Variants in GALNT17 observed in about 807,000 individuals in gnomAD.
The protein encoded by GALNT17 is UDP-GalNAc:polypeptide N-acetylgalactosaminyltransferase-like 3.
GALNT17 carries 29 observed loss-of-function variants against 63.7 expected under a neutral mutation model. The observed-to-expected ratio is 0.46, with a 90% CI of 0.34 to 0.62. The LOEUF (loss-of-function observed/expected upper bound fraction) is 0.62, where lower values mean the gene tolerates loss of function less well. Ranked by LOEUF, GALNT17 falls within the 20% of genes least tolerant of loss-of-function variation. The probability of loss-of-function intolerance (pLI) is 0.01; values close to 1 mark genes in which losing one functional copy is unlikely to be tolerated. For synonymous variants in GALNT17, 305 were observed against 318.3 expected (o/e 0.96, Z 0.45); for missense variants, 603 against 799.6 (o/e 0.75, Z 2.97).
At chr7:71,562,026 G>A (rs980222915) in intron 5 of GALNT17, among the ~76,000 whole-genome samples, 2 of 151,962 alleles carry the variant, frequency 1.3e-5, no homozygotes, top group African/African-American at 4.8e-5. Context: ...TGCGATCATA[G>A]CACACTACAG....
intron 1 of GALNT17, among the ~76,000 whole-genome samples, chr7:71,192,322 A>G (rs1788966494): frequency 6.6e-6 from 1 of 152,084 alleles, no homozygotes; most frequent in East Asian, 1.9e-4. Flanking sequence ...ACACCCAGGG[A>G]CAATACTTTG....
At chr7:71,469,675 C>T (rs942315785) in intron 5 of GALNT17, among the ~76,000 whole-genome samples, 1 of 152,210 alleles carries the variant, frequency 6.6e-6, no homozygotes, top group African/African-American at 2.4e-5. Context: ...AGGTGACCAT[C>T]TGTTTATACA....
At chr7:71,663,631 G>A (rs1584120934) in intron 6 of GALNT17, among the ~76,000 whole-genome samples, 1 of 152,204 alleles carries the variant, frequency 6.6e-6, no homozygotes, top group Admixed American at 6.5e-5. Flanking sequence ...AGCAAGCAAA[G>A]TGAGGATTCT....
intron 2 of GALNT17, among the ~76,000 whole-genome samples, chr7:71,365,689 A>C (rs1279652411): frequency 6.6e-6 from 1 of 152,076 alleles, no homozygotes. Flanking sequence ...TTTTAATTTA[A>C]AGAAAGTATC....
intron 5 of GALNT17, among the ~76,000 whole-genome samples, chr7:71,509,979 C>T (rs953592378): frequency 4.0e-5 from 6 of 151,310 alleles, no homozygotes; most frequent in African/African-American, 1.5e-4. Context: ...GGTTCTCTGT[C>T]TCTCATTCAA....
At chr7:71,512,328 C>T (rs1432010699) in intron 5 of GALNT17, among the ~76,000 whole-genome samples, 1 of 151,682 alleles carries the variant, frequency 6.6e-6, no homozygotes, top group Non-Finnish European at 1.5e-5. Context: ...CTTCTGACAT[C>T]ATGGAAGTTC....
chr7:71,535,014 G>C (rs1412181742), intron 5 of GALNT17, among the ~76,000 whole-genome samples: 1 of 152,114 alleles, frequency 6.6e-6, no homozygotes, highest in Non-Finnish European at 1.5e-5. Flanking sequence ...GAGGAGAATA[G>C]TACATACAAC....
chr7:71,170,127 G>A (rs1414630713), intron 1 of GALNT17, among the ~76,000 whole-genome samples: 3 of 152,062 alleles, frequency 2.0e-5, no homozygotes, highest in African/African-American at 7.2e-5. Context: ...TCATTTGACT[G>A]TCTTGTCCTT....
At chr7:71,224,767 G>C (rs1028521823) in intron 1 of GALNT17, among the ~76,000 whole-genome samples, 4 of 152,144 alleles carry the variant, frequency 2.6e-5, no homozygotes, top group South Asian at 2.1e-4. Context: ...GGCTGGAACT[G>C]CTATGAGAGC....
At chr7:71,142,961 A>G (rs1236325531) in intron 1 of GALNT17, among the ~76,000 whole-genome samples, 5 of 150,774 alleles carry the variant, frequency 3.3e-5, no homozygotes, top group Admixed American at 6.6e-5. Context: ...AAAAAAAAGG[A>G]ATGTTACACT....
intron 1 of GALNT17, among the ~76,000 whole-genome samples, chr7:71,322,726 A>G (rs561979163): frequency 3.7e-4 from 56 of 152,294 alleles, no homozygotes; most frequent in African/African-American, 1.3e-3. Flanking sequence ...TGAAACTCTT[A>G]TAATGGGATC....
At chr7:71,260,137 T>C (rs1336127350) in intron 1 of GALNT17, among the ~76,000 whole-genome samples, 1 of 152,182 alleles carries the variant, frequency 6.6e-6, no homozygotes, top group Non-Finnish European at 1.5e-5. Context: ...GGCTGATTTC[T>C]CCCTAACTGC....
In GALNT17 at chr7:71,270,744, A is replaced by G. The variant is rs549732805; in HGVS notation, c.239-64806A>G. Reference sequence around the variant, plus strand: ...TTGCTGAGTGGACGGATGAAAAAAAATAGTTGAAGAGTAATTGCCATTTGA... The same window carrying G: ...TTGCTGAGTGGACGGATGAAAAAAAGTAGTTGAAGAGTAATTGCCATTTGA... On this transcript the variant is annotated intron_variant, in intron 1 of 10. Transcript: ENST00000333538. Among the ~76,000 whole-genome samples the G allele has an allele frequency of 2.2e-4, 33 of 152,228 alleles. 1 individual carries two copies. The highest frequency in any genetic ancestry group is 7.9e-4 in the African/African-American group (33 of 41,528).
At chr7:71,137,692 CTCGTCTAGT>C (rs1787812999) in intron 1 of GALNT17, among the ~76,000 whole-genome samples, 1 of 152,164 alleles carries the variant, frequency 6.6e-6, no homozygotes, top group Non-Finnish European at 1.5e-5. Flanking sequence ...CATCTTGAGG[CTCGTCTAGT>C]CTTCACCTTC....
At chr7:71,291,206 CAG>C (rs533730311) in intron 1 of GALNT17, among the ~76,000 whole-genome samples, 168 of 152,284 alleles carry the variant, frequency 1.1e-3, no homozygotes, top group African/African-American at 3.9e-3. Flanking sequence ...TACGAAATAG[CAG>C]AGTCGTTAAT....
intron 6 of GALNT17, among the ~76,000 whole-genome samples, chr7:71,619,408 G>A (rs968554589): frequency 6.6e-6 from 1 of 151,782 alleles, no homozygotes; most frequent in Admixed American, 6.6e-5. Flanking sequence ...ATGATATTGA[G>A]TCTTCTAATC....
At chr7:71,141,612 G>A (rs1787893171) in intron 1 of GALNT17, among the ~76,000 whole-genome samples, 1 of 151,762 alleles carries the variant, frequency 6.6e-6, no homozygotes, top group African/African-American at 2.4e-5. Flanking sequence ...TCATATTCCC[G>A]AGACACTTAG....
chr7:71,465,009 C>T (rs563476822), intron 5 of GALNT17, among the ~76,000 whole-genome samples: 1 of 152,070 alleles, frequency 6.6e-6, no homozygotes, highest in Non-Finnish European at 1.5e-5. Context: ...CATCTTAATA[C>T]GAACTTAAGT....
chr7:71,292,662 AGAGAGAGTGTGTGT>A (rs1791001009), intron 1 of GALNT17, among the ~76,000 whole-genome samples: 1 of 117,712 alleles, frequency 8.5e-6, no homozygotes, highest in African/African-American at 3.9e-5. Context: ...ACAGAGAGAG[AGAGAGAGTGTGTGT>A]GTGTGTGTGT....
Sources: allele counts gnomAD v4.1 joint callset (sites outside exome capture counted in the v4.1 genomes callset), GRCh38; gene constraint gnomAD v4.1.1; transcripts MANE v1.5; gene names NCBI Gene and HGNC (gene_info 2026-07-23, HGNC 2026-07-21).